The following CELF1 variants were observed in gnomAD, a reference collection of about 807,000 sequenced individuals.
The protein encoded by CELF1 is 50 kDa nuclear polyadenylated RNA-binding protein.
Under a neutral mutation model 61.8 loss-of-function variants are expected in CELF1, and 10 were observed. The ratio of observed to expected loss-of-function variants is 0.16; its 90% CI spans 0.10 to 0.27. The LOEUF (loss-of-function observed/expected upper bound fraction) is 0.27. Among genes scored for constraint, CELF1 ranks in the 10% least tolerant of loss-of-function variants. The pLI is 1.00. For missense variants in CELF1, 380 were observed against 639.1 expected (o/e 0.59, Z 4.37); for synonymous variants, 236 against 225.1 (o/e 1.05, Z -0.43).
chr11:47,515,086 GCAATTTA>G (rs2095482332), intron 1 of CELF1, among the ~76,000 whole-genome samples: 1 of 152,212 alleles, frequency 6.6e-6, no homozygotes, highest in African/African-American at 2.4e-5. Flanking sequence ...TGCAGCAGTA[GCAATTTA>G]CATATGGTAG....
At position 47,466,074 on chromosome 11, in the gene CELF1, A is replaced by C. The variant is rs932811656; in HGVS notation, c.*6156T>G. On this transcript the variant is annotated 3_prime_UTR_variant, in exon 15 of 15. Coordinates refer to ENST00000687097, the MANE Select transcript of CELF1 (RefSeq NM_001376376.1). ...ATTGGGACAAAAGGAAAAACACACA[A>C]AAAAAGGAAGGAGATTCCTTTGAAA... is the stretch of plus-strand genomic sequence containing the variant. The C allele has an allele frequency of 6.6e-6, 1 of 152,212 alleles. No homozygotes were observed. Among genetic ancestry groups the C allele is most frequent in the Non-Finnish European group, 1.5e-5 (1 of 68,030 alleles). The allele number at this position is 152,212 out of a possible 1,614,324, so 9.4% of individuals were successfully genotyped here. A position where few individuals can be genotyped will look rare whatever the true frequency, so the allele number is the denominator to read the frequency against.
At chr11:47,476,526 T>C (rs536228641) in intron 12 of CELF1, among the ~76,000 whole-genome samples, 2 of 151,564 alleles carry the variant, frequency 1.3e-5, no homozygotes, top group African/African-American at 2.4e-5. Flanking sequence ...CCCCGGTTCA[T>C]GCCATTCTCC....
chr11:47,475,238 G>T, intron 13 of CELF1, 98 bp downstream of exon 13: 1 of 1,093,530 alleles, frequency 9.1e-7, no homozygotes, highest in Non-Finnish European at 1.4e-6. Flanking sequence ...ATGGTCTGAC[G>T]ACCTAACTGG....
At chr11:47,537,914 TTTTC>T (rs1157052720) in intron 1 of CELF1, among the ~76,000 whole-genome samples, 5 of 151,494 alleles carry the variant, frequency 3.3e-5, no homozygotes, top group Admixed American at 2.6e-4. Flanking sequence ...CTTTTTTTTC[TTTTC>T]TTTTTTTTTT....
chr11:47,510,030 C>A (rs970682800), intron 1 of CELF1, among the ~76,000 whole-genome samples: 1 of 151,834 alleles, frequency 6.6e-6, no homozygotes, highest in African/African-American at 2.4e-5. Context: ...CCACTGCATT[C>A]CAGCCTGGGC....
chr11:47,481,348 T>G (rs1449164477), intron 9 of CELF1, among the ~76,000 whole-genome samples: 2 of 151,998 alleles, frequency 1.3e-5, no homozygotes, highest in Admixed American at 6.6e-5. Flanking sequence ...CAGGCTGGTC[T>G]CAAACTCCCA....
Position 47,477,350 on chromosome 11 carries a change from C to A in CELF1, c.920G>T (p.Gly307Val). Residue 307 changes from glycine (G) to valine (V), a missense_variant, in exon 11 of 15, where the codon GGT becomes GTT. Coordinates refer to ENST00000687097, the MANE Select transcript of CELF1 (RefSeq NM_001376376.1). ...AASAAQNTPS[G>V]TNALTTSSSP... ...GCTGGATGTAGTGAGAGCATTGGTA[C>A]CACTTGGTGTGTTCTGAGCTGCACT... The A allele has an allele frequency of 6.2e-7, 1 of 1,613,772 alleles. No homozygotes were observed. Among genetic ancestry groups the A allele is most frequent in the Non-Finnish European group, 8.5e-7 (1 of 1,179,734 alleles).
chr11:47,532,520 T>A (rs2096511514), intron 1 of CELF1, among the ~76,000 whole-genome samples: 1 of 152,196 alleles, frequency 6.6e-6, no homozygotes, highest in Non-Finnish European at 1.5e-5. Flanking sequence ...ATAGAAAGTT[T>A]CTCTGCATAA....
chr11:47,485,634 T>G (rs1412709111), intron 6 of CELF1, among the ~76,000 whole-genome samples: 1 of 151,130 alleles, frequency 6.6e-6, no homozygotes, highest in East Asian at 2.0e-4. Context: ...CAGGCTGGAG[T>G]GCAGTGGCAC....
intron 1 of CELF1, among the ~76,000 whole-genome samples, chr11:47,506,630 G>T (rs917084196): frequency 3.3e-5 from 5 of 152,184 alleles, no homozygotes; most frequent in African/African-American, 1.2e-4. Flanking sequence ...AGTTTTAGTG[G>T]GAGATAAGCC....
intron 1 of CELF1, among the ~76,000 whole-genome samples, chr11:47,526,468 T>A (rs2096247163): frequency 6.6e-6 from 1 of 152,256 alleles, no homozygotes; most frequent in African/African-American, 2.4e-5. Context: ...AATACCACAC[T>A]GCTTATGGAA....
At chr11:47,483,992 C>T (rs1342627505) in intron 7 of CELF1, among the ~76,000 whole-genome samples, 2 of 151,982 alleles carry the variant, frequency 1.3e-5, no homozygotes, top group Admixed American at 1.3e-4. Flanking sequence ...CTTGACTGGG[C>T]CATATTGGCT....
At chr11:47,504,325 C>T (rs2094270609) in intron 1 of CELF1, among the ~76,000 whole-genome samples, 1 of 152,008 alleles carries the variant, frequency 6.6e-6, no homozygotes, top group South Asian at 2.1e-4. Flanking sequence ...GTGGGAAACG[C>T]CTGTAATCCC....
In CELF1 at chr11:47,482,441, C is replaced by T. The variant is rs567729463; in HGVS notation, c.768+254G>A. The T allele has an allele frequency of 4.7e-5, 14 of 297,786 alleles. No homozygotes were observed. The East Asian group carries it at 5.2e-4, about 11-fold the overall frequency. 18.4% of individuals were successfully genotyped at this position (297,786 alleles called of 1,614,324 possible). On this transcript the variant is annotated intron_variant, in intron 9 of 14. Coordinates refer to ENST00000687097, the MANE Select transcript of CELF1 (RefSeq NM_001376376.1). The stretch of plus-strand genomic sequence containing the variant: ...ACAAGATGTTTCTAAATCTTTAAAA[C>T]GGGAAACCAGGAATTCACTTTAGTT...
chr11:47,498,340 G>C (rs1268739365), intron 3 of CELF1, among the ~76,000 whole-genome samples: 1 of 152,196 alleles, frequency 6.6e-6, no homozygotes, highest in Non-Finnish European at 1.5e-5. Flanking sequence ...AGGAGGTTGA[G>C]GCTACAGTGA....
At chr11:47,530,285 C>A (rs1185297826) in intron 1 of CELF1, among the ~76,000 whole-genome samples, 1 of 151,920 alleles carries the variant, frequency 6.6e-6, no homozygotes, top group Non-Finnish European at 1.5e-5. Flanking sequence ...AGAAGAGGTA[C>A]AAAGAACATA....
chr11:47,554,159 G>C (rs1169546084), upstream of CELF1, among the ~76,000 whole-genome samples: 1 of 152,022 alleles, frequency 6.6e-6, no homozygotes, highest in Non-Finnish European at 1.5e-5. Context: ...CCAAGCAGAA[G>C]CCTCAAGGGT....
intron 1 of CELF1, among the ~76,000 whole-genome samples, chr11:47,528,415 A>G (rs1031198352): frequency 1.3e-5 from 2 of 152,154 alleles, no homozygotes; most frequent in East Asian, 3.8e-4. Context: ...TTAAGGACTC[A>G]AGACAACAAT....
At chr11:47,507,959 TC>T (rs2094653851) in intron 1 of CELF1, among the ~76,000 whole-genome samples, 1 of 152,010 alleles carries the variant, frequency 6.6e-6, no homozygotes, top group South Asian at 2.1e-4. Context: ...GCCTCTACCA[TC>T]AAAAGTTACC....
Sources: allele counts gnomAD v4.1 joint callset (sites outside exome capture counted in the v4.1 genomes callset), GRCh38; gene constraint gnomAD v4.1.1; transcripts MANE v1.5; gene names NCBI Gene and HGNC (gene_info 2026-07-23, HGNC 2026-07-21).